PODN: variants seen among roughly 807,000 people sequenced by gnomAD.
PODN encodes podocan proteoglycan.
A neutral mutation model predicts 52.7 loss-of-function variants in PODN; 40 were observed. The observed-to-expected ratio is 0.76, with a 90% CI of 0.59 to 0.99. The LOEUF (loss-of-function observed/expected upper bound fraction) is 0.99, where lower values mean the gene tolerates loss of function less well. Among genes scored for constraint, PODN ranks in the 50% least tolerant of loss-of-function variants. PODN has a pLI of 0.00. For synonymous variants in PODN, 396 were observed against 377.9 expected, an observed-to-expected ratio of 1.05 and a Z score of -0.56; for missense variants, 720 against 815.1, an observed-to-expected ratio of 0.88 and a Z score of 1.42.
chr1:53,077,320 C>T lies in PODN; in HGVS notation c.712C>T (p.Pro238Ser). Residue 238 changes from proline to serine, a missense_variant, in exon 6 of 11, where the codon CCT (proline) becomes TCT (serine). Physicochemically the swap from Pro to Ser is moderately conservative, Grantham distance 74. Transcript: ENST00000312553. The part of the protein sequence containing the change: ...FLRHVPKHLP[P>S]ALYKLHLKNN... ...GCGCCACGTGCCCAAGCACCTGCCG[C>T]CTGCCCTGTACAAGCTGCACCTCAA... The T allele has an allele frequency of 6.2e-7, 1 of 1,613,256 alleles. No homozygotes were observed. The highest frequency in any genetic ancestry group is 8.5e-7 in the Non-Finnish European group (1 of 1,180,002).
chr1:53,071,421 G>A, intron 2 of PODN, 114 bp from the exon 3 acceptor site: 1 of 891,832 alleles, frequency 1.1e-6, no homozygotes, highest in East Asian at 2.7e-5. Flanking sequence ...AATTCCAAGG[G>A]AGGTGCCCAG....
rs541106428 is a variant in PODN, at chr1:53,071,726, A to C, written c.406+98A>C. 7 of 1,216,164 alleles carry C rather than the reference A, an allele frequency of 5.8e-6. No individual in the cohort carries two copies. The Admixed American group carries it at 1.6e-4, about 28-fold the overall frequency. 75.3% of individuals were successfully genotyped at this position (1,216,164 alleles called of 1,614,324 possible). On this transcript the variant is annotated intron_variant, in intron 3 of 10. Coordinates refer to ENST00000312553, the MANE Select transcript of PODN (RefSeq NM_153703.5). ...CCAGGGGGAGAGCTTGGCCCTGCGGATCTTGGGGTGTGGATGGAAGAGAGC... is the reference window on the plus strand; with the variant it reads ...CCAGGGGGAGAGCTTGGCCCTGCGGCTCTTGGGGTGTGGATGGAAGAGAGC...
Position 53,075,928 on chromosome 1 carries a change from A to G in PODN, c.538A>G (p.Thr180Ala). 6.2e-7 allele frequency: 1 copy of G among 1,604,712 alleles called. No homozygotes were observed. The highest frequency in any genetic ancestry group is 8.5e-7 in the Non-Finnish European group (1 of 1,174,712). ...ISVDFAANYL[T>A]KIYGLTFGQK... ...TGTGGACTTTGCTGCCAACTATCTC[A>G]CCAAGATCTATGGGCTCACCTTTGG... is the stretch of plus-strand genomic sequence containing the variant. Residue 180 changes from threonine to alanine, a missense_variant, in exon 5 of 11, where the codon ACC becomes GCC. Thr to Ala is a moderately conservative substitution (Grantham distance 58). Transcript: ENST00000312553.
At position 53,078,857 on chromosome 1, in the gene PODN, G is replaced by A; in HGVS notation, c.1347G>A (p.Leu449=). The A allele has an allele frequency of 3.1e-6, 5 of 1,612,726 alleles. No homozygotes were observed. Among genetic ancestry groups the A allele is most frequent in the Non-Finnish European group, 4.2e-6 (5 of 1,179,682 alleles). ...GNRLHTLPPG[L]PRNVHVLKVK... is the part of the protein sequence containing the mutation. ...GGCTGCACACGCTGCCACCTGGGCT[G>A]CCTCGAAATGTCCATGTGCTGAAGG... Residue 449 remains leucine (L), a synonymous_variant, in exon 8 of 11, where the codon CTG becomes CTA. Transcript: ENST00000312553.
chr1:53,063,360 G>A (rs1643987373), intron 1 of PODN: 2 of 985,860 alleles, frequency 2.0e-6, no homozygotes, highest in African/African-American at 1.7e-5. Context: ...TTCGATTACC[G>A]GCTGGCCAGG....
rs368209286 is a variant in PODN at position 53,078,416 on chromosome 1, G to A, written c.906G>A (p.Arg302=). Residue 302 remains arginine, a synonymous_variant, in exon 8 of 11, where the codon CGG becomes CGA. Transcript: ENST00000312553. ...YLDLSSNNLS[R]VPAGLPRSLV... is the part of the protein sequence containing the mutation. ...ATCTGTCCAGCAACAACCTGTCTCG[G>A]GTCCCAGCTGGGCTGCCGCGCAGCC... The A allele has an allele frequency of 2.1e-4, 344 of 1,613,436 alleles. No homozygotes were observed. Among genetic ancestry groups the A allele is most frequent in the Non-Finnish European group, 2.9e-4 (337 of 1,180,040 alleles).
chr1:53,081,630 T>C (rs367575758), intron 9 of PODN, among the ~76,000 whole-genome samples: 8 of 152,200 alleles, frequency 5.3e-5, no homozygotes, highest in African/African-American at 1.7e-4. Context: ...CGGTGACCCC[T>C]GGCTACCGCA....
At chr1:53,072,035 A>G (rs1644127140) in intron 3 of PODN, among the ~76,000 whole-genome samples, 1 of 151,630 alleles carries the variant, frequency 6.6e-6, no homozygotes, top group South Asian at 2.1e-4. Context: ...CAATTCCATT[A>G]CAGGTCATTT....
At chr1:53,066,784 T>C in intron 1 of PODN, 1 of 1,531,046 alleles carries the variant, frequency 6.5e-7, no homozygotes, top group South Asian at 1.2e-5. Flanking sequence ...AGAATGTTAA[T>C]ATAAATTCAA....
intron 10 of PODN, among the ~76,000 whole-genome samples, chr1:53,083,068 G>A (rs1229958156): frequency 2.0e-5 from 3 of 152,182 alleles, no homozygotes; most frequent in Admixed American, 6.5e-5. Context: ...ACTGCGGAGC[G>A]CCCACTGGAT....
Position 53,082,107 on chromosome 1 carries a change from G to C in PODN, c.1788G>C (p.Gly596=). The C allele has an allele frequency of 6.2e-7, 1 of 1,614,078 alleles. No individual in the cohort carries two copies. The highest frequency in any genetic ancestry group is 8.5e-7 in the Non-Finnish European group (1 of 1,180,014). Residue 596 remains glycine, a synonymous_variant, in exon 10 of 11, where the codon GGG becomes GGC. Transcript: ENST00000312553. The stretch of plus-strand genomic sequence containing the variant: ...TTTCCAAGGACCGTGGCCGCTTGGG[G>C]AAGGAAAAGGAGGAGGAGGAAGAGG... ...GDISKDRGRL[G]KEKEEEEEEE...
intron 1 of PODN, among the ~76,000 whole-genome samples, chr1:53,066,582 G>A (rs1644036391): frequency 6.6e-6 from 1 of 152,112 alleles, no homozygotes; most frequent in South Asian, 2.1e-4. Context: ...AAGGGCAGAA[G>A]CCACGCTGAG....
chr1:53,081,566 C>T (rs2150307196), intron 9 of PODN, among the ~76,000 whole-genome samples: 1 of 152,318 alleles, frequency 6.6e-6, no homozygotes, highest in Admixed American at 6.5e-5. Flanking sequence ...TGAGTGTGGC[C>T]CTGGCCTGGC....
chr1:53,063,673 C>T (rs751126953), intron 1 of PODN: 17 of 693,074 alleles, frequency 2.5e-5, no homozygotes, highest in Non-Finnish European at 2.8e-5. Context: ...TCTACTCTAG[C>T]CTAGAGTGCA....
chr1:53,077,777 G>A lies in PODN; in HGVS notation c.831G>A (p.Glu277=). 1 of 1,613,524 alleles carries A rather than the reference G, an allele frequency of 6.2e-7. No homozygotes were observed. Among genetic ancestry groups the A allele is most frequent in the Non-Finnish European group, 8.5e-7 (1 of 1,179,928 alleles). ...TGCAGAACAACTACCTGACTGACGA[G>A]GGCCTGGACAACGAGACCTTCTGGT... is the stretch of plus-strand genomic sequence containing the variant. ...LYLQNNYLTD[E]GLDNETFWKL... The change falls in exon 7 of 11, where the codon GAG becomes GAA. Residue 277 remains glutamate (E), a synonymous_variant. Coordinates refer to ENST00000312553, the MANE Select transcript of PODN (RefSeq NM_153703.5).
intron 3 of PODN, 149 bp downstream of exon 3, chr1:53,071,777 G>A (rs1644122484): frequency 2.7e-6 from 2 of 737,108 alleles, no homozygotes; most frequent in South Asian, 3.8e-5. Flanking sequence ...TAGCAGTGGG[G>A]CTGCATGAGA....
At chr1:53,075,450 C>G (rs1429341207) in intron 4 of PODN, among the ~76,000 whole-genome samples, 1 of 152,220 alleles carries the variant, frequency 6.6e-6, no homozygotes, top group African/African-American at 2.4e-5. Flanking sequence ...TCAGCTCTTA[C>G]CGCACTGGCC....
chr1:53,063,638 T>C (rs1186657767), intron 1 of PODN: 22 of 944,186 alleles, frequency 2.3e-5, no homozygotes, highest in Middle Eastern at 5.4e-4. Flanking sequence ...CTCCCTCATG[T>C]CCACTCTTAG....
chr1:53,077,393 G>C (rs1363162508), intron 6 of PODN, 47 bp downstream of exon 6: 1 of 1,601,206 alleles, frequency 6.2e-7, no homozygotes, highest in Non-Finnish European at 8.5e-7. Context: ...CCCACAGCCA[G>C]GGCACTGGGG....
Sources: allele counts gnomAD v4.1 joint callset (sites outside exome capture counted in the v4.1 genomes callset), GRCh38; gene constraint gnomAD v4.1.1; transcripts MANE v1.5; gene names NCBI Gene and HGNC (gene_info 2026-07-23, HGNC 2026-07-21).